NRXN3: variants seen among roughly 807,000 people sequenced by gnomAD.
NRXN3 encodes the protein neurexin III.
Under a neutral mutation model 137.6 loss-of-function variants are expected in NRXN3, and 32 were observed. The ratio of observed to expected loss-of-function variants is 0.23; its 90% confidence interval spans 0.18 to 0.31. The LOEUF (loss-of-function observed/expected upper bound fraction) is 0.31. Ranked by LOEUF, NRXN3 falls within the 10% of genes least tolerant of loss-of-function variation. The probability of loss-of-function intolerance (pLI) is 1.00; values close to 1 mark genes in which losing one functional copy is unlikely to be tolerated. For missense variants in NRXN3, 1,574 were observed against 2,062.5 expected, an observed-to-expected ratio of 0.76 and a Z score of 4.59; for synonymous variants, 798 against 784.5, an observed-to-expected ratio of 1.02 and a Z score of -0.29.
intron 16 of NRXN3, among the ~76,000 whole-genome samples, chr14:79,525,198 T>G (rs770013778): frequency 1.3e-5 from 2 of 152,104 alleles, no homozygotes; most frequent in Non-Finnish European, 2.9e-5. Context: ...TCAGAAAAAC[T>G]TTTGCTTCTG....
At chr14:79,126,990 T>C (rs1328038389) in intron 15 of NRXN3, among the ~76,000 whole-genome samples, 1 of 152,224 alleles carries the variant, frequency 6.6e-6, no homozygotes, top group Admixed American at 6.5e-5. Context: ...GAAGTGTCTG[T>C]TCATGTCCTT....
intron 8 of NRXN3, among the ~76,000 whole-genome samples, chr14:78,747,621 AT>A (rs1236505115): frequency 2.6e-5 from 4 of 152,022 alleles, no homozygotes; most frequent in Admixed American, 1.3e-4. Context: ...TCCCATCTGT[AT>A]TTTTTCTGAT....
chr14:79,850,528 G>A (rs575568658), intron 20 of NRXN3, among the ~76,000 whole-genome samples: 4 of 152,212 alleles, frequency 2.6e-5, no homozygotes, highest in Non-Finnish European at 2.9e-5. Context: ...CTGTAATATC[G>A]CATTTGGCAT....
intron 4 of NRXN3, among the ~76,000 whole-genome samples, chr14:78,520,354 T>C (rs1338398515): frequency 6.6e-6 from 1 of 152,224 alleles, no homozygotes; most frequent in East Asian, 1.9e-4. Flanking sequence ...ATTTTAGCAT[T>C]TAATTAATCT....
At chr14:78,855,984 C>T (rs1005359203) in intron 10 of NRXN3, among the ~76,000 whole-genome samples, 2 of 152,174 alleles carry the variant, frequency 1.3e-5, no homozygotes, top group South Asian at 2.1e-4. Context: ...AGCCACTTTA[C>T]CATCTTTCTG....
chr14:79,344,522 A>G (rs1417477601), intron 15 of NRXN3, among the ~76,000 whole-genome samples: 7 of 152,220 alleles, frequency 4.6e-5, no homozygotes, highest in Non-Finnish European at 1.0e-4. Context: ...AAGAACTAAC[A>G]TAATAGATTA....
intron 16 of NRXN3, among the ~76,000 whole-genome samples, chr14:79,539,606 C>G (rs942027545): frequency 1.3e-5 from 2 of 152,130 alleles, no homozygotes; most frequent in South Asian, 4.1e-4. Context: ...CACTTAAAAG[C>G]ATTCTGACAT....
chr14:78,183,159 C>T (rs1319671227), intron 1 of NRXN3, among the ~76,000 whole-genome samples: 1 of 152,180 alleles, frequency 6.6e-6, no homozygotes, highest in Non-Finnish European at 1.5e-5. Context: ...AAGGAAGCTC[C>T]ATTTTTCTTC....
intron 4 of NRXN3, among the ~76,000 whole-genome samples, chr14:78,574,102 G>A (rs1460012504): frequency 1.3e-5 from 2 of 152,224 alleles, no homozygotes; most frequent in African/African-American, 4.8e-5. Context: ...GTGGTGTTGG[G>A]CCTGTGGGTG....
intron 15 of NRXN3, among the ~76,000 whole-genome samples, chr14:79,389,925 T>G (rs895403347): frequency 6.6e-6 from 1 of 152,198 alleles, no homozygotes; most frequent in Admixed American, 6.5e-5. Context: ...TTGAATTTGA[T>G]TTACATTTGC....
chr14:79,525,611 G>A (rs2097111475), intron 16 of NRXN3, among the ~76,000 whole-genome samples: 1 of 152,150 alleles, frequency 6.6e-6, no homozygotes, highest in African/African-American at 2.4e-5. Flanking sequence ...TCACTGAAGG[G>A]CTCTTCCTGG....
At chr14:78,995,898 T>C (rs555049060) in intron 15 of NRXN3, among the ~76,000 whole-genome samples, 2 of 152,286 alleles carry the variant, frequency 1.3e-5, no homozygotes, top group African/African-American at 4.8e-5. Context: ...AAAAATCTCT[T>C]AACCTTTGGT....
chr14:78,374,415 C>T (rs1342029459), intron 4 of NRXN3, among the ~76,000 whole-genome samples: 1 of 152,152 alleles, frequency 6.6e-6, no homozygotes, highest in Non-Finnish European at 1.5e-5. Flanking sequence ...TAAATCTTGT[C>T]AAACTGTATT....
At position 78,989,198 on chromosome 14, in the gene NRXN3, A is replaced by C. The variant is rs149961405; in HGVS notation, c.3262+1057A>C. ...CCTCTTGGTTTTAGAAAAATGATGC[A>C]TGATGTTATCTGAGAAAATAGTAAA... On this transcript the variant is annotated intron_variant, in intron 15 of 20. Transcript: ENST00000335750. Among the ~76,000 whole-genome samples, 24 of 152,356 alleles carry C rather than the reference A, an allele frequency of 1.6e-4. No homozygotes were observed. The East Asian group carries it at 4.4e-3, about 28-fold the overall frequency.
chr14:79,828,941 G>A (rs1384236227), intron 20 of NRXN3, among the ~76,000 whole-genome samples: 1 of 152,132 alleles, frequency 6.6e-6, no homozygotes, highest in African/African-American at 2.4e-5. Context: ...ATACAATGGT[G>A]GAGAGGAAGT....
At chr14:78,527,980 AG>A (rs1335553131) in intron 4 of NRXN3, among the ~76,000 whole-genome samples, 1 of 152,238 alleles carries the variant, frequency 6.6e-6, no homozygotes, top group Non-Finnish European at 1.5e-5. Context: ...CGAGAAGAAA[AG>A]CAGACAACTG....
intron 20 of NRXN3, among the ~76,000 whole-genome samples, chr14:79,819,886 G>T (rs1233975940): frequency 6.6e-5 from 10 of 152,024 alleles, no homozygotes; most frequent in Admixed American, 6.5e-4. Context: ...TCTCCACCCA[G>T]CTTGTACACT....
intron 2 of NRXN3, among the ~76,000 whole-genome samples, chr14:78,268,427 C>T (rs1019867188): frequency 1.3e-4 from 20 of 152,240 alleles, no homozygotes; most frequent in Admixed American, 7.8e-4. Context: ...CAGCATTGGA[C>T]GTTGTACATA....
intron 8 of NRXN3, among the ~76,000 whole-genome samples, chr14:78,774,051 C>T (rs1256851813): frequency 6.6e-6 from 1 of 152,178 alleles, no homozygotes; most frequent in Non-Finnish European, 1.5e-5. Context: ...CAACCCTCCT[C>T]GGCCTCCCAA....
Sources: allele counts gnomAD v4.1 joint callset (sites outside exome capture counted in the v4.1 genomes callset), GRCh38; gene constraint gnomAD v4.1.1; transcripts MANE v1.5; gene names NCBI Gene and HGNC (gene_info 2026-07-23, HGNC 2026-07-21).